DLD: variants seen among roughly 807,000 people sequenced by gnomAD.
The protein encoded by DLD is dihydrolipoamide dehydrogenase.
Under a neutral mutation model 62.2 loss-of-function variants are expected in DLD, and 36 were observed. That is an observed-to-expected ratio of 0.58 (90% CI 0.44 to 0.76). The LOEUF (loss-of-function observed/expected upper bound fraction) is 0.76. Ranked by LOEUF, DLD falls within the 30% of genes least tolerant of loss-of-function variation. The probability of loss-of-function intolerance (pLI) is 0.00; values close to 1 mark genes in which losing one functional copy is unlikely to be tolerated. For synonymous variants in DLD, 204 were observed against 199.6 expected, an observed-to-expected ratio of 1.02 and a Z score of -0.19; for missense variants, 541 against 608.6, an observed-to-expected ratio of 0.89 and a Z score of 1.17.
At chr7:107,911,801 A>G (rs747185853) in intron 8 of DLD, among the ~76,000 whole-genome samples, 12 of 152,050 alleles carry the variant, frequency 7.9e-5, no homozygotes, top group Non-Finnish European at 1.3e-4. Context: ...TAATTAGGCT[A>G]TCCATCACCT....
In DLD at chr7:107,920,947, G is replaced by A. The variant is rs8440; in HGVS notation, c.*1688G>A. The A allele has an allele frequency of 0.31, 47,748 of 152,124 alleles. 8,875 individuals carry two copies. The highest frequency in any genetic ancestry group is 0.41 in the Non-Finnish European group (28,035 of 67,956). 9.4% of individuals were successfully genotyped at this position (152,124 alleles called of 1,614,324 possible). A position where few individuals can be genotyped will look rare whatever the true frequency, so the allele number is the denominator to read the frequency against. The stretch of plus-strand genomic sequence containing the variant: ...ATCTGTGTGCTACTTTGCCATTATT[G>A]GAAGTGAACTCTGCATCTTTTTAAA... On this transcript the variant is annotated 3_prime_UTR_variant, in exon 14 of 14. Coordinates refer to ENST00000205402, the MANE Select transcript of DLD (RefSeq NM_000108.5).
chr7:107,900,367 T>G (rs1173328902), intron 2 of DLD, among the ~76,000 whole-genome samples: 1 of 152,170 alleles, frequency 6.6e-6, no homozygotes, highest in Non-Finnish European at 1.5e-5. Flanking sequence ...AGAATATAGC[T>G]ACTATGTATA....
At chr7:107,905,691 T>C (rs1157598366) in intron 7 of DLD, 187 bp downstream of exon 7, 1 of 623,296 alleles carries the variant, frequency 1.6e-6, no homozygotes, top group African/African-American at 1.8e-5. Flanking sequence ...GAACACTTTA[T>C]ATTAAGATAT....
At chr7:107,894,649 C>A (rs1367947250) in intron 2 of DLD, among the ~76,000 whole-genome samples, 1 of 152,150 alleles carries the variant, frequency 6.6e-6, no homozygotes, top group Admixed American at 6.5e-5. Flanking sequence ...TAACTCTATA[C>A]CTTTGGCATC....
chr7:107,901,685 T>C, intron 2 of DLD, 53 bp from the exon 3 acceptor site: 1 of 1,473,428 alleles, frequency 6.8e-7, no homozygotes, highest in South Asian at 1.1e-5. Flanking sequence ...AAGAGCTCTT[T>C]TTGGTAAATA....
intron 8 of DLD, among the ~76,000 whole-genome samples, chr7:107,914,641 C>T (rs371614605): frequency 5.9e-5 from 9 of 152,088 alleles, no homozygotes; most frequent in African/African-American, 1.2e-4. Flanking sequence ...TTTAAATGAA[C>T]GCCCACACCT....
intron 8 of DLD, among the ~76,000 whole-genome samples, chr7:107,906,658 G>A (rs1388483357): frequency 6.6e-6 from 1 of 152,030 alleles, no homozygotes; most frequent in Non-Finnish European, 1.5e-5. Context: ...GATATTTGAG[G>A]ACAGCTTTTA....
chr7:107,917,093 A>G lies in DLD; in HGVS notation c.1046+129A>G, dbSNP rs765304084. The G allele has an allele frequency of 5.5e-4, 656 of 1,198,724 alleles. 1 individual carries two copies. The highest frequency in any genetic ancestry group is 7.2e-4 in the Non-Finnish European group (605 of 842,484). 74.3% of individuals were successfully genotyped at this position (1,198,724 alleles called of 1,614,324 possible). On this transcript the variant is annotated intron_variant, in intron 10 of 13. Transcript: ENST00000205402. ...GAAGAATAGTAAACTTACAAAATGT[A>G]AAATAAAAAATAACTGAATTTTACT...
At position 107,915,612 on chromosome 7, in the gene DLD, T is replaced by C. The variant is rs2032249555; in HGVS notation, c.791T>C (p.Ile264Thr). The C allele has an allele frequency of 6.2e-7, 1 of 1,613,680 alleles. No homozygotes were observed. Among genetic ancestry groups the C allele is most frequent in the African/African-American group, 1.3e-5 (1 of 74,912 alleles). ...DMEISKNFQR[I>T]LQKQGFKFKL... ...GAGATATCTAAAAACTTTCAACGCATCCTTCAAAAACAGGGGTTTAAATTT... is the reference window on the plus strand; with the variant it reads ...GAGATATCTAAAAACTTTCAACGCACCCTTCAAAAACAGGGGTTTAAATTT... Residue 264 changes from isoleucine to threonine, a missense_variant, in exon 9 of 14, where the codon ATC becomes ACC. Transcript: ENST00000205402.
Position 107,913,509 on chromosome 7 carries a change from C to CT in DLD, c.685-1986dup, listed in dbSNP as rs796794845. Among the ~76,000 whole-genome samples, 741 of 142,832 alleles carry CT rather than the reference C, an allele frequency of 5.2e-3. 3 individuals are homozygous for CT. Among genetic ancestry groups the CT allele is most frequent in the Non-Finnish European group, 8.4e-3 (543 of 64,894 alleles). The allele number at this position is 142,832 out of a possible 152,430, so 93.7% of individuals were successfully genotyped here. On this transcript the variant is annotated intron_variant, in intron 8 of 13. Transcript: ENST00000205402. ...ATTATAGCTATTGCAAATGGGATTG[C>CT]TTTTTTTTTTTCTTTTTTAGATTGT...
At chr7:107,904,466 G>A (rs1272750133) in intron 5 of DLD, among the ~76,000 whole-genome samples, 1 of 152,102 alleles carries the variant, frequency 6.6e-6, no homozygotes, top group Admixed American at 6.5e-5. Context: ...ATCTAATACT[G>A]TTGCTTCAGA....
At chr7:107,899,416 G>T (rs2031819212) in intron 2 of DLD, among the ~76,000 whole-genome samples, 1 of 151,004 alleles carries the variant, frequency 6.6e-6, no homozygotes, top group Non-Finnish European at 1.5e-5. Context: ...TAAAACCCAA[G>T]GTTTTTGGCT....
At position 107,915,682 on chromosome 7, in the gene DLD, A is replaced by T; in HGVS notation, c.861A>T (p.Gly287=). ...KVTGATKKSD[G]KIDVSIEAAS... ...CTGGTGCTACCAAGAAGTCAGATGGAAAAATTGATGTTTCGTAAGTATACA... is the reference window on the plus strand; with the variant it reads ...CTGGTGCTACCAAGAAGTCAGATGGTAAAATTGATGTTTCGTAAGTATACA... The change falls in exon 9 of 14, where the codon GGA becomes GGT. Residue 287 remains glycine, a synonymous_variant. Transcript: ENST00000205402. 2 of 1,613,608 alleles carry T rather than the reference A, an allele frequency of 1.2e-6. No individual in the cohort carries two copies. Among genetic ancestry groups the T allele is most frequent in the African/African-American group, 2.7e-5 (2 of 75,032 alleles).
At chr7:107,910,099 T>A (rs973015100) in intron 8 of DLD, among the ~76,000 whole-genome samples, 1 of 151,910 alleles carries the variant, frequency 6.6e-6, no homozygotes, top group African/African-American at 2.4e-5. Flanking sequence ...TCATGATCCG[T>A]CTGCCTCGGC....
At position 107,919,243 on chromosome 7, in the gene DLD, A is replaced by G. The variant is rs1192034307; in HGVS notation, c.1514A>G (p.Lys505Arg). ...GCAAATCTTGCTGCGTCATTTGGCAAATCAATCAACTTTTGAATTAGAAGA... is the reference window on the plus strand; with the variant it reads ...GCAAATCTTGCTGCGTCATTTGGCAGATCAATCAACTTTTGAATTAGAAGA... The part of the protein sequence containing the change: ...REANLAASFG[K>R]SINF Residue 505 changes from lysine to arginine, a missense_variant, in exon 14 of 14, where the codon AAA (lysine) becomes AGA (arginine). Transcript: ENST00000205402. The G allele has an allele frequency of 2.5e-6, 4 of 1,612,040 alleles. No individual in the cohort carries two copies. Among genetic ancestry groups the G allele is most frequent in the Non-Finnish European group, 1.7e-6 (2 of 1,179,060 alleles).
chr7:107,892,056 G>T (rs527842370), intron 1 of DLD, among the ~76,000 whole-genome samples: 128 of 152,304 alleles, frequency 8.4e-4, no homozygotes, highest in African/African-American at 3.0e-3. Flanking sequence ...TGCAAGTCAT[G>T]CTTTTAGGGA....
chr7:107,906,101 A>C (rs1417631003), intron 7 of DLD, among the ~76,000 whole-genome samples, 166 bp from the exon 8 acceptor site: 1 of 152,206 alleles, frequency 6.6e-6, no homozygotes, highest in Non-Finnish European at 1.5e-5. Flanking sequence ...AATGACAAAA[A>C]AACCATGTGT....
intron 2 of DLD, 125 bp from the exon 3 acceptor site, chr7:107,901,613 G>T (rs1408877638): frequency 1.3e-6 from 1 of 766,110 alleles, no homozygotes; most frequent in African/African-American, 1.7e-5. Flanking sequence ...CAGAAACTAT[G>T]TAGAAAATGC....
At chr7:107,918,182 G>T (rs1361674490) in intron 12 of DLD, 121 bp downstream of exon 12, 2 of 1,039,690 alleles carry the variant, frequency 1.9e-6, no homozygotes, top group South Asian at 2.7e-5. Flanking sequence ...TTTGAATATG[G>T]CTCTCTGTGC....
Sources: allele counts gnomAD v4.1 joint callset (sites outside exome capture counted in the v4.1 genomes callset), GRCh38; gene constraint gnomAD v4.1.1; transcripts MANE v1.5; gene names NCBI Gene and HGNC (gene_info 2026-07-23, HGNC 2026-07-21).